The following ATR variants were observed in gnomAD, a reference collection of about 807,000 sequenced individuals.
ATR encodes serine/threonine-protein kinase ATR.
ATR carries 142 observed loss-of-function variants against 305.3 expected under a neutral mutation model. The ratio of observed to expected loss-of-function variants is 0.47; its 90% CI spans 0.41 to 0.53. The LOEUF (loss-of-function observed/expected upper bound fraction) is 0.53. ATR is among the 20% of genes least tolerant of loss of function. ATR has a pLI of 0.00. For synonymous variants in ATR, 1,050 were observed against 1,068.1 expected, an observed-to-expected ratio of 0.98 and a Z score of 0.33; for missense variants, 2,135 against 3,133.1, an observed-to-expected ratio of 0.68 and a Z score of 7.60.
intron 4 of ATR, 31 bp downstream of exon 4, chr3:142,562,201 T>C (rs752874207): frequency 2.5e-6 from 4 of 1,611,148 alleles, no homozygotes; most frequent in South Asian, 2.2e-5. Flanking sequence ...ACAAAATACA[T>C]ACTTAACTAG....
At chr3:142,451,431 C>T in intron 46 of ATR, 10 of 1,494,970 alleles carry the variant, frequency 6.7e-6, no homozygotes, top group Non-Finnish European at 9.0e-6. Flanking sequence ...TCTTCATGGC[C>T]CTGATCAGCA....
intron 13 of ATR, among the ~76,000 whole-genome samples, chr3:142,550,719 C>G (rs1163899482): frequency 6.6e-6 from 1 of 152,062 alleles, no homozygotes; most frequent in Non-Finnish European, 1.5e-5. Context: ...GACCAATATC[C>G]TAAAATATAA....
chr3:142,558,063 A>C (rs1213519313), intron 8 of ATR, among the ~76,000 whole-genome samples: 1 of 152,236 alleles, frequency 6.6e-6, no homozygotes, highest in Non-Finnish European at 1.5e-5. Flanking sequence ...GACACATTGC[A>C]AATGTTTTAC....
chr3:142,505,542 G>T (rs987034145), intron 28 of ATR, among the ~76,000 whole-genome samples: 23 of 151,980 alleles, frequency 1.5e-4, no homozygotes, highest in African/African-American at 5.6e-4. Flanking sequence ...AGCTGTTATT[G>T]ATCATAAGGT....
chr3:142,504,153 G>A lies in ATR; in HGVS notation c.5197-700C>T, dbSNP rs1482782958. 2.0e-5 allele frequency among the ~76,000 whole-genome samples: 3 copies of A among 152,268 alleles called. No homozygotes were observed. In the East Asian group the frequency reaches 5.8e-4, roughly 29 times the overall value. Reference sequence around the variant, plus strand: ...TCTAAAGGCAAGATTGTAAATTAATGATTCTAAACCCCTTTCCCATTCCAA... The same window carrying A: ...TCTAAAGGCAAGATTGTAAATTAATAATTCTAAACCCCTTTCCCATTCCAA... On this transcript the variant is annotated intron_variant, in intron 29 of 46. Transcript: ENST00000350721.
chr3:142,527,581 G>T (rs924455998), intron 21 of ATR, among the ~76,000 whole-genome samples: 10 of 151,880 alleles, frequency 6.6e-5, no homozygotes, highest in African/African-American at 2.4e-4. Flanking sequence ...TACCAATTTC[G>T]CTAGTTTTTT....
Position 142,498,767 on chromosome 3 carries a change from T to C in ATR, c.5388A>G (p.Lys1796=), listed in dbSNP as rs1162446053. 9.3e-6 allele frequency: 15 copies of C among 1,614,024 alleles called. No individual in the cohort carries two copies. Among genetic ancestry groups the C allele is most frequent in the Admixed American group, 1.7e-5 (1 of 60,008 alleles). ...CCAGTCTGACACTCCATGTTGTAGA[T>C]TTTCCATCTGAAAAACAAATGAAGA... ...LVENYLAADG[K]STTWSVRLGQ... Residue 1796 remains lysine, a synonymous_variant, in exon 32 of 47, where the codon AAA becomes AAG. Transcript: ENST00000350721.
At chr3:142,555,834 C>T in intron 10 of ATR, 43 bp downstream of exon 10, 1 of 1,569,552 alleles carries the variant, frequency 6.4e-7, no homozygotes, top group Non-Finnish European at 8.6e-7. Context: ...AAAAGCAGAG[C>T]TTAAATAGGT....
At chr3:142,503,016 C>T (rs1285489468) in intron 30 of ATR, among the ~76,000 whole-genome samples, 4 of 152,224 alleles carry the variant, frequency 2.6e-5, no homozygotes, top group African/African-American at 9.6e-5. Context: ...AAATCAGTCA[C>T]AACCTCTAGC....
At chr3:142,566,043 T>C (rs2108493428) in intron 3 of ATR, 78 bp downstream of exon 3, 2 of 1,580,874 alleles carry the variant, frequency 1.3e-6, no homozygotes, top group Non-Finnish European at 1.7e-6. Context: ...ATCCTGTACA[T>C]GTAATATTTC....
intron 36 of ATR, among the ~76,000 whole-genome samples, chr3:142,475,379 A>C (rs933920644): frequency 6.6e-5 from 10 of 152,146 alleles, no homozygotes; most frequent in African/African-American, 2.4e-4. Flanking sequence ...TAGTTTGCTG[A>C]GAATGATGGT....
chr3:142,451,506 C>A, intron 46 of ATR: 5 of 1,439,256 alleles, frequency 3.5e-6, no homozygotes, highest in Non-Finnish European at 4.6e-6. Flanking sequence ...AGACTGGACC[C>A]ATAGAAACAG....
intron 3 of ATR, 81 bp from the exon 4 acceptor site, chr3:142,563,190 C>G (rs1486569118): frequency 7.4e-7 from 1 of 1,358,808 alleles, no homozygotes; most frequent in African/African-American, 1.5e-5. Context: ...TGACGATTGA[C>G]TTTTAAAGAA....
chr3:142,476,473 AC>A lies in ATR; in HGVS notation c.6222-6291del, dbSNP rs2071454085. Among the ~76,000 whole-genome samples, 3 of 152,160 alleles carry A rather than the reference AC, an allele frequency of 2.0e-5. No individual in the cohort carries two copies. In the South Asian group the frequency reaches 6.2e-4, roughly 32 times the overall value. On this transcript the variant is annotated intron_variant, in intron 36 of 46. Transcript: ENST00000350721. ...TCTATATCTCTGTTTTGGTACCAGT[AC>A]CATGCTGTTTTGGTTACTGTAGCCT... is the stretch of plus-strand genomic sequence containing the variant.
intron 36 of ATR, among the ~76,000 whole-genome samples, chr3:142,473,796 T>C (rs2071360988): frequency 6.6e-6 from 1 of 152,048 alleles, no homozygotes; most frequent in Admixed American, 6.6e-5. Flanking sequence ...TCCACCCACC[T>C]CAGCCTCGCT....
At position 142,562,531 on chromosome 3, in the gene ATR, A is replaced by G; in HGVS notation, c.871T>C (p.Tyr291His). Residue 291 changes from tyrosine (Y) to histidine (H), a missense_variant, in exon 4 of 47, where the codon TAT becomes CAT. Tyr to His is a moderately conservative substitution (Grantham distance 83). Coordinates refer to ENST00000350721, the MANE Select transcript of ATR (RefSeq NM_001184.4). ...ATCAGCTTTGATAATGGCTCTTCAT[A>G]GAGTTTCAATTGGTCAGTATCCATT... ...VEMDTDQLKL[Y>H]EEPLSKLIKT... The G allele has an allele frequency of 6.2e-7, 1 of 1,613,800 alleles. No individual in the cohort carries two copies. The highest frequency in any genetic ancestry group is 2.2e-5 in the East Asian group (1 of 44,880).
At position 142,558,644 on chromosome 3, in the gene ATR, C is replaced by T. The variant is rs1294444658; in HGVS notation, c.1865G>A (p.Cys622Tyr). 3 of 1,612,820 alleles carry T rather than the reference C, an allele frequency of 1.9e-6. No individual in the cohort carries two copies. The highest frequency in any genetic ancestry group is 3.3e-4 in the Middle Eastern group (2 of 6,074). ...CTTACAATAGCTATCTGAAATCCTA[C>T]AGCTTAATGTTAGAAGATTAGCGGC... ...TFAANLLTLSCRISDSYSPQA... is the reference protein window; with the variant it reads ...TFAANLLTLSYRISDSYSPQA... The change falls in exon 8 of 47, where the codon TGT (cysteine) becomes TAT (tyrosine). Residue 622 changes from cysteine (C) to tyrosine (Y), a missense_variant. This residue lies in a region of ATR where 744 missense variants were observed against 873.2 expected (regional missense o/e 0.85). Transcript: ENST00000350721.
At chr3:142,468,864 C>T (rs962370604) in intron 38 of ATR, among the ~76,000 whole-genome samples, 4 of 152,086 alleles carry the variant, frequency 2.6e-5, no homozygotes, top group African/African-American at 9.7e-5. Context: ...TGGTGACACA[C>T]CGCTATCATC....
At chr3:142,523,414 C>T (rs565433460) in intron 22 of ATR, among the ~76,000 whole-genome samples, 6 of 151,782 alleles carry the variant, frequency 4.0e-5, no homozygotes, top group South Asian at 2.1e-4. Context: ...AGCGAGACTC[C>T]GTCCAAAAAA....
Sources: gnomAD v4.1 joint callset for allele counts (sites outside exome capture counted in the v4.1 genomes callset) on GRCh38, gnomAD v4.1.1 for gene constraint, gnomAD v4.1.1 regional missense constraint, MANE v1.5 for transcripts, NCBI Gene and HGNC (gene_info 2026-07-23, HGNC 2026-07-21) for gene names.